The following BMP5 variants were observed in gnomAD, a reference collection of about 807,000 sequenced individuals.
BMP5 encodes bone morphogenetic protein 5.
Under a neutral mutation model 46.6 loss-of-function variants are expected in BMP5, and 23 were observed. That is an observed-to-expected ratio of 0.49 (90% CI 0.35 to 0.70). The LOEUF (loss-of-function observed/expected upper bound fraction) is 0.70, where lower values mean the gene tolerates loss of function less well. Ranked by LOEUF, BMP5 falls within the 30% of genes least tolerant of loss-of-function variation. The pLI is 0.00. For synonymous variants in BMP5, 204 were observed against 191.9 expected, an observed-to-expected ratio of 1.06 and a Z score of -0.52; for missense variants, 545 against 565.6, an observed-to-expected ratio of 0.96 and a Z score of 0.37.
chr6:55,856,864 T>C (rs1184165857), intron 1 of BMP5, among the ~76,000 whole-genome samples: 2 of 152,000 alleles, frequency 1.3e-5, no homozygotes, highest in Admixed American at 6.6e-5. Context: ...TACATTTGTA[T>C]GTGTGTGTGT....
chr6:55,854,702 T>C (rs1777342688), intron 1 of BMP5, among the ~76,000 whole-genome samples: 1 of 152,152 alleles, frequency 6.6e-6, no homozygotes. Flanking sequence ...TTACCTCATA[T>C]GCTTCATTGA....
At chr6:55,859,304 G>A (rs765145765) in intron 1 of BMP5, among the ~76,000 whole-genome samples, 11 of 151,936 alleles carry the variant, frequency 7.2e-5, no homozygotes, top group East Asian at 1.9e-4. Flanking sequence ...CTAATAATTC[G>A]TTTTCTAAGA....
intron 4 of BMP5, among the ~76,000 whole-genome samples, chr6:55,769,968 T>C (rs953563663): frequency 5.9e-5 from 9 of 151,866 alleles, no homozygotes; most frequent in African/African-American, 2.2e-4. Context: ...ACAGATGCAC[T>C]GTTCATCCAG....
intron 1 of BMP5, among the ~76,000 whole-genome samples, chr6:55,862,417 G>T (rs1288167740): frequency 6.6e-6 from 1 of 152,004 alleles, no homozygotes; most frequent in Admixed American, 6.6e-5. Flanking sequence ...ATTTATAATT[G>T]TATCTCCATT....
At chr6:55,778,758 AATT>A (rs1775238452) in intron 3 of BMP5, among the ~76,000 whole-genome samples, 1 of 151,994 alleles carries the variant, frequency 6.6e-6, no homozygotes, top group African/African-American at 2.4e-5. Context: ...TCTTCTAAGA[AATT>A]ATTATTCTAT....
chr6:55,869,108 C>T (rs1174335974), intron 1 of BMP5, among the ~76,000 whole-genome samples: 1 of 152,174 alleles, frequency 6.6e-6, no homozygotes. Flanking sequence ...TAAAGCTGAG[C>T]TACTACATTA....
At chr6:55,772,555 C>T (rs1259478293) in intron 4 of BMP5, among the ~76,000 whole-genome samples, 1 of 151,834 alleles carries the variant, frequency 6.6e-6, no homozygotes, top group Non-Finnish European at 1.5e-5. Context: ...AGTTTGACAG[C>T]CTAGTATTTA....
chr6:55,846,032 C>T (rs1202208106), intron 1 of BMP5, among the ~76,000 whole-genome samples: 1 of 151,940 alleles, frequency 6.6e-6, no homozygotes, highest in Non-Finnish European at 1.5e-5. Context: ...AGAGCAAGTG[C>T]TATTTTCTAA....
intron 1 of BMP5, among the ~76,000 whole-genome samples, chr6:55,836,631 T>C (rs6459107): frequency 0.066 from 9,232 of 139,464 alleles, 966 homozygotes; most frequent in African/African-American, 0.24. Flanking sequence ...CATACATACA[T>C]ACACACACAC....
intron 1 of BMP5, among the ~76,000 whole-genome samples, chr6:55,829,307 T>G (rs1169864068): frequency 6.6e-6 from 1 of 151,774 alleles, no homozygotes; most frequent in Non-Finnish European, 1.5e-5. Context: ...TTCATATACA[T>G]GTATAATAAA....
At chr6:55,844,068 T>C (rs1273848098) in intron 1 of BMP5, among the ~76,000 whole-genome samples, 1 of 151,952 alleles carries the variant, frequency 6.6e-6, no homozygotes. Flanking sequence ...GGAAGGGTTG[T>C]TTTCAGTTTA....
intron 1 of BMP5, among the ~76,000 whole-genome samples, chr6:55,864,383 G>A (rs1199729214): frequency 1.3e-5 from 2 of 152,106 alleles, no homozygotes; most frequent in African/African-American, 4.8e-5. Flanking sequence ...GGGAGGGAGG[G>A]AGTTATTGGT....
At chr6:55,797,425 C>T (rs750961150) in intron 2 of BMP5, among the ~76,000 whole-genome samples, 1 of 151,786 alleles carries the variant, frequency 6.6e-6, no homozygotes, top group Non-Finnish European at 1.5e-5. Flanking sequence ...AAGAACAGTG[C>T]GATAGAGAAA....
intron 3 of BMP5, among the ~76,000 whole-genome samples, chr6:55,784,741 A>G (rs1775406150): frequency 1.3e-5 from 2 of 151,788 alleles, no homozygotes; most frequent in African/African-American, 4.8e-5. Flanking sequence ...ATAAAAACCC[A>G]AAAATAATTC....
At chr6:55,783,607 GAAAGA>G (rs909196015) in intron 3 of BMP5, among the ~76,000 whole-genome samples, 4 of 151,824 alleles carry the variant, frequency 2.6e-5, no homozygotes, top group African/African-American at 7.3e-5. Context: ...AACTTAAGTA[GAAAGA>G]AAAGAAAAGA....
chr6:55,780,475 AAAGAAAG>A (rs1562034458), intron 3 of BMP5, among the ~76,000 whole-genome samples: 174 of 125,084 alleles, frequency 1.4e-3, no homozygotes, highest in African/African-American at 5.1e-3. Context: ...AAAAAAAAAG[AAAGAAAG>A]AAAGAAAGAA....
chr6:55,838,978 C>T (rs1326315828), intron 1 of BMP5, among the ~76,000 whole-genome samples: 11 of 152,172 alleles, frequency 7.2e-5, no homozygotes, highest in East Asian at 3.9e-4. Context: ...TTTGAATAGA[C>T]GAATACACTT....
At chr6:55,760,296 G>T (rs1774738061) in intron 5 of BMP5, among the ~76,000 whole-genome samples, 161 bp downstream of exon 5, 1 of 151,924 alleles carries the variant, frequency 6.6e-6, no homozygotes, top group South Asian at 2.1e-4. Context: ...ATGGTAAAAG[G>T]TTAATTGAGA....
At chr6:55,762,541 A>G (rs527422885) in intron 4 of BMP5, among the ~76,000 whole-genome samples, 1 of 152,262 alleles carries the variant, frequency 6.6e-6, no homozygotes, top group African/African-American at 2.4e-5. Context: ...GGGAGAGAGG[A>G]TTTATTTCAG....
Sources: gnomAD v4.1 joint callset for allele counts (sites outside exome capture counted in the v4.1 genomes callset) on GRCh38, gnomAD v4.1.1 for gene constraint, MANE v1.5 for transcripts, NCBI Gene and HGNC (gene_info 2026-07-23, HGNC 2026-07-21) for gene names.